GCA: variants seen among roughly 807,000 people sequenced by gnomAD.
The protein encoded by GCA is grancalcin, also known as grancalcin, EF-hand calcium-binding protein.
Under a neutral mutation model 32.6 loss-of-function variants are expected in GCA, and 30 were observed. The ratio of observed to expected loss-of-function variants is 0.92; its 90% CI spans 0.69 to 1.25. GCA has a LOEUF of 1.25. Ranked by LOEUF, GCA falls within the 50% of genes most tolerant of loss-of-function variation. The pLI, the probability that GCA is intolerant of heterozygous loss-of-function variation, is 0.00. For missense variants in GCA, 291 were observed against 266.8 expected (o/e 1.09, Z -0.63); for synonymous variants, 102 against 84.6 (o/e 1.21, Z -1.13).
At chr2:162,346,182 A>G (rs904388367) in intron 1 of GCA, among the ~76,000 whole-genome samples, 3 of 152,174 alleles carry the variant, frequency 2.0e-5, no homozygotes, top group African/African-American at 7.2e-5. Context: ...TTGTTTGTAC[A>G]TGTTGTATTA....
intron 3 of GCA, 102 bp downstream of exon 3, chr2:162,352,509 T>A: frequency 1.4e-6 from 1 of 725,414 alleles, no homozygotes; most frequent in Admixed American, 2.2e-5. Context: ...ATCACAGTTA[T>A]ACATGCACAT....
At chr2:162,374,511 T>C (rs1686090394), downstream of GCA, among the ~76,000 whole-genome samples, 1 of 152,184 alleles carries the variant, frequency 6.6e-6, no homozygotes, top group South Asian at 2.1e-4. Flanking sequence ...TATGCCTCTT[T>C]AGAAAATTCT....
chr2:162,366,512 T>A (rs1369048035), downstream of GCA, among the ~76,000 whole-genome samples: 1 of 151,984 alleles, frequency 6.6e-6, no homozygotes, highest in Non-Finnish European at 1.5e-5. Context: ...TTCTGTTAAT[T>A]TTCTGTATTT....
At chr2:162,366,313 A>G (rs556594408), downstream of GCA, among the ~76,000 whole-genome samples, 7 of 151,982 alleles carry the variant, frequency 4.6e-5, no homozygotes, top group South Asian at 1.5e-3. Flanking sequence ...TGGTACAGCA[A>G]TGAAATTTGT....
chr2:162,328,452 G>A (rs990534393), intron 1 of GCA, among the ~76,000 whole-genome samples: 5 of 152,040 alleles, frequency 3.3e-5, no homozygotes, highest in Admixed American at 2.6e-4. Flanking sequence ...GCAGGGTTTT[G>A]GAAGAAAGGC....
upstream of GCA, among the ~76,000 whole-genome samples, chr2:162,342,444 A>G (rs1684483343): frequency 6.6e-6 from 1 of 152,192 alleles, no homozygotes; most frequent in Admixed American, 6.5e-5. Flanking sequence ...ATACTTCCAT[A>G]GATTCCCCTC....
Position 162,359,534 on chromosome 2 carries a change from G to A in GCA, c.609G>A (p.Ala203=), listed in dbSNP as rs1009733739. The A allele has an allele frequency of 7.2e-6, 11 of 1,536,048 alleles. No homozygotes were observed. The highest frequency in any genetic ancestry group is 1.7e-4 in the Middle Eastern group (1 of 5,814). ...RKRDHLQQGS[A]NFIYDDFLQG... ...GAGACCACTTGCAACAAGGGTCTGC[G>A]AATTTCATATATGACGATGTGAGTA... The change falls in exon 7 of 8, where the codon GCG becomes GCA. Residue 203 remains alanine, a synonymous_variant. Transcript: ENST00000437150.
chr2:162,356,286 G>T, intron 3 of GCA, 152 bp from the exon 4 acceptor site: 1 of 575,018 alleles, frequency 1.7e-6, no homozygotes, highest in East Asian at 2.8e-5. Flanking sequence ...TTAAACAATG[G>T]GTGCTTAACA....
At chr2:162,354,523 A>G (rs1041433586) in intron 3 of GCA, among the ~76,000 whole-genome samples, 3 of 152,142 alleles carry the variant, frequency 2.0e-5, no homozygotes, top group Admixed American at 1.3e-4. Flanking sequence ...CATCCATCCA[A>G]CTGAACCGAG....
chr2:162,359,140 A>C lies in GCA; in HGVS notation c.551A>C (p.Lys184Thr), dbSNP rs367777675. ...FFDDYVACCV[K>T]LRALTDFFRK... ...GATGATTATGTTGCTTGCTGTGTGA[A>C]GCTTCGAGCATTGACAGGTATTGAC... Residue 184 changes from lysine (K) to threonine (T), a missense_variant, in exon 6 of 8, where the codon AAG becomes ACG. Transcript: ENST00000437150. The C allele has an allele frequency of 5.0e-5, 80 of 1,598,012 alleles. No individual in the cohort carries two copies. Among genetic ancestry groups the C allele is most frequent in the Non-Finnish European group, 6.8e-5 (79 of 1,166,766 alleles).
chr2:162,322,054 A>G (rs1683692587), intron 1 of GCA, among the ~76,000 whole-genome samples: 1 of 150,290 alleles, frequency 6.7e-6, no homozygotes, highest in Non-Finnish European at 1.5e-5. Context: ...TTAAAAGGAT[A>G]CTGTCGTAGC....
chr2:162,353,335 G>A (rs145177852), intron 3 of GCA, among the ~76,000 whole-genome samples: 171 of 152,214 alleles, frequency 1.1e-3, no homozygotes, highest in African/African-American at 3.9e-3. Flanking sequence ...GGGCGTGGTG[G>A]CACGCACCTG....
chr2:162,349,810 C>G (rs1684899885), intron 2 of GCA, among the ~76,000 whole-genome samples: 1 of 152,092 alleles, frequency 6.6e-6, no homozygotes, highest in African/African-American at 2.4e-5. Context: ...TGGGCAGAAA[C>G]AGAAATTCAC....
chr2:162,352,079 A>C (rs896189868), intron 2 of GCA, among the ~76,000 whole-genome samples: 1 of 152,084 alleles, frequency 6.6e-6, no homozygotes, highest in Non-Finnish European at 1.5e-5. Context: ...AAGTACAATG[A>C]CTCTTATGAG....
chr2:162,371,889 G>C (rs775977072), downstream of GCA: 1 of 1,613,694 alleles, frequency 6.2e-7, no homozygotes, highest in East Asian at 2.2e-5. Flanking sequence ...TTCCTACAGT[G>C]CTTAGGGATG....
At chr2:162,333,638 G>A (rs1253089392) in intron 1 of GCA, among the ~76,000 whole-genome samples, 1 of 152,006 alleles carries the variant, frequency 6.6e-6, no homozygotes, top group East Asian at 1.9e-4. Context: ...ATTATCAAGT[G>A]ATTCAAATTA....
intron 7 of GCA, among the ~76,000 whole-genome samples, chr2:162,359,902 G>A (rs950336586): frequency 6.6e-6 from 1 of 151,062 alleles, no homozygotes; most frequent in African/African-American, 2.4e-5. Flanking sequence ...ATTTTAATCC[G>A]TGACGGATTA....
At chr2:162,343,176 C>T (rs1259190140), upstream of GCA, among the ~76,000 whole-genome samples, 2 of 152,172 alleles carry the variant, frequency 1.3e-5, no homozygotes, top group African/African-American at 4.8e-5. Flanking sequence ...CATGTTAGCC[C>T]TTCTCTTGTT....
chr2:162,372,923 G>A (rs1398613486), downstream of GCA, among the ~76,000 whole-genome samples: 1 of 152,092 alleles, frequency 6.6e-6, no homozygotes, highest in Non-Finnish European at 1.5e-5. Flanking sequence ...TATCATCCAA[G>A]TAAAAAAATT....
Sources: gnomAD v4.1 joint callset for allele counts (sites outside exome capture counted in the v4.1 genomes callset) on GRCh38, gnomAD v4.1.1 for gene constraint, MANE v1.5 for transcripts, NCBI Gene and HGNC (gene_info 2026-07-23, HGNC 2026-07-21) for gene names.